FUT9: variants seen among roughly 807,000 people sequenced by gnomAD.
FUT9 encodes the protein 4-galactosyl-N-acetylglucosaminide 3-alpha-L-fucosyltransferase 9.
FUT9 carries 15 observed loss-of-function variants against 29.7 expected under a neutral mutation model. The ratio of observed to expected loss-of-function variants is 0.51; its 90% CI spans 0.34 to 0.78. The LOEUF (loss-of-function observed/expected upper bound fraction) is 0.78. Ranked by LOEUF, FUT9 falls within the 30% of genes least tolerant of loss-of-function variation. The pLI is 0.01. For synonymous variants in FUT9, 169 were observed against 153.7 expected (o/e 1.10, Z -0.74); for missense variants, 319 against 425.4 (o/e 0.75, Z 2.20).
chr6:96,119,432 CTGA>C (rs1771978091), intron 2 of FUT9, among the ~76,000 whole-genome samples: 1 of 152,210 alleles, frequency 6.6e-6, no homozygotes, highest in Non-Finnish European at 1.5e-5. Flanking sequence ...AGTCCACTCT[CTGA>C]TGTTTGCACA....
intron 1 of FUT9, among the ~76,000 whole-genome samples, chr6:96,101,835 T>TC (rs1320767409): frequency 6.6e-6 from 1 of 150,744 alleles, no homozygotes; most frequent in Non-Finnish European, 1.5e-5. Flanking sequence ...TTTTTTTTTT[T>TC]ACTAGAGACA....
chr6:96,087,811 CAT>C (rs902387415), intron 1 of FUT9, among the ~76,000 whole-genome samples: 6 of 152,190 alleles, frequency 3.9e-5, no homozygotes, highest in African/African-American at 1.4e-4. Flanking sequence ...CTTTTAACCA[CAT>C]GTTTACCATT....
At chr6:96,046,322 C>T (rs1451861188) in intron 1 of FUT9, among the ~76,000 whole-genome samples, 2 of 151,884 alleles carry the variant, frequency 1.3e-5, no homozygotes, top group African/African-American at 4.8e-5. Context: ...CTTTTCTGTT[C>T]TATTTCATTT....
intron 2 of FUT9, among the ~76,000 whole-genome samples, chr6:96,198,499 T>C (rs1402391197): frequency 6.6e-6 from 1 of 152,128 alleles, no homozygotes; most frequent in East Asian, 1.9e-4. Context: ...TGCCACATTT[T>C]CTTAATCCAG....
At chr6:96,157,956 ACT>A (rs747774076) in intron 2 of FUT9, among the ~76,000 whole-genome samples, 43 of 152,100 alleles carry the variant, frequency 2.8e-4, no homozygotes, top group Non-Finnish European at 4.6e-4. Flanking sequence ...TTTTTCTCTA[ACT>A]CTATAATTTT....
At chr6:96,201,213 A>T (rs1347929768) in intron 2 of FUT9, among the ~76,000 whole-genome samples, 2 of 151,912 alleles carry the variant, frequency 1.3e-5, no homozygotes, top group Non-Finnish European at 2.9e-5. Flanking sequence ...GCTGAATCAG[A>T]ATTTTTCTTT....
intron 1 of FUT9, among the ~76,000 whole-genome samples, chr6:96,051,193 A>G (rs1348375081): frequency 6.6e-6 from 1 of 152,214 alleles, no homozygotes; most frequent in Non-Finnish European, 1.5e-5. Context: ...TATATATTAT[A>G]CCTAATTTAC....
Position 96,207,296 on chromosome 6 carries a change from T to C in FUT9, c.*3061T>C, listed in dbSNP as rs533392928. 75 of 167,086 alleles carry C rather than the reference T, an allele frequency of 4.5e-4. No individual in the cohort carries two copies. The highest frequency in any genetic ancestry group is 1.8e-3 in the African/African-American group (73 of 41,556). 10.4% of individuals were successfully genotyped at this position (167,086 alleles called of 1,614,324 possible). A position where few individuals can be genotyped will look rare whatever the true frequency, so the allele number is the denominator to read the frequency against. On this transcript the variant is annotated 3_prime_UTR_variant, in exon 3 of 3. Coordinates refer to ENST00000302103, the MANE Select transcript of FUT9 (RefSeq NM_006581.4). ...TTAAGATTTGGATTTAAGGATCCTA[T>C]CTTTCTTTATCCCACTTTCTTTTCA...
chr6:96,084,183 T>G (rs1420100000), intron 1 of FUT9, among the ~76,000 whole-genome samples: 1 of 152,094 alleles, frequency 6.6e-6, no homozygotes, highest in Non-Finnish European at 1.5e-5. Context: ...CTTATCACAC[T>G]AAAAGTCAGA....
intron 1 of FUT9, among the ~76,000 whole-genome samples, chr6:96,071,329 T>C (rs747959416): frequency 6.6e-6 from 1 of 152,188 alleles, no homozygotes; most frequent in Admixed American, 6.5e-5. Flanking sequence ...ATAGGATTTG[T>C]TCTAGTTGTC....
At chr6:96,110,349 A>G (rs1562128265) in intron 1 of FUT9, among the ~76,000 whole-genome samples, 2 of 152,062 alleles carry the variant, frequency 1.3e-5, no homozygotes, top group East Asian at 1.9e-4. Context: ...CTTATTATCC[A>G]TATTGCATGA....
intron 1 of FUT9, among the ~76,000 whole-genome samples, chr6:96,065,762 G>A (rs1420020443): frequency 3.3e-5 from 5 of 151,988 alleles, no homozygotes; most frequent in African/African-American, 1.2e-4. Flanking sequence ...TACTTTATTA[G>A]AAAGTTTGGT....
At chr6:96,048,788 A>C (rs1385705339) in intron 1 of FUT9, among the ~76,000 whole-genome samples, 1 of 152,082 alleles carries the variant, frequency 6.6e-6, no homozygotes, top group Admixed American at 6.6e-5. Flanking sequence ...GAGGGGGGGA[A>C]CTGACCAAGT....
chr6:96,188,818 A>G (rs930639713), intron 2 of FUT9, among the ~76,000 whole-genome samples: 7 of 151,996 alleles, frequency 4.6e-5, no homozygotes, highest in Non-Finnish European at 8.8e-5. Context: ...AAACATTGGA[A>G]ATGCTGAATG....
At chr6:96,041,425 G>A (rs140499822) in intron 1 of FUT9, among the ~76,000 whole-genome samples, 1 of 152,152 alleles carries the variant, frequency 6.6e-6, no homozygotes, top group African/African-American at 2.4e-5. Flanking sequence ...ATCTTTTACT[G>A]TTCCCTGAAT....
At position 96,112,086 on chromosome 6, in the gene FUT9, T is replaced by C. The variant is rs79713486; in HGVS notation, c.-97-1953T>C. On this transcript the variant is annotated intron_variant, in intron 1 of 2. Coordinates refer to ENST00000302103, the MANE Select transcript of FUT9 (RefSeq NM_006581.4). ...AGTAGATAGTTAAGCAGAATAGTCTTACAAACAACATCCGGAAGCCATGTG... is the reference window on the plus strand; with the variant it reads ...AGTAGATAGTTAAGCAGAATAGTCTCACAAACAACATCCGGAAGCCATGTG... Among the ~76,000 whole-genome samples, 201 of 152,316 alleles carry C rather than the reference T, an allele frequency of 1.3e-3. 2 individuals carry two copies. In the East Asian group the frequency reaches 0.033, roughly 25 times the overall value.
At chr6:96,029,541 C>G (rs1770225120) in intron 1 of FUT9, among the ~76,000 whole-genome samples, 1 of 151,618 alleles carries the variant, frequency 6.6e-6, no homozygotes, top group Non-Finnish European at 1.5e-5. Flanking sequence ...ACTAGAGTAA[C>G]TCAATGCCCC....
At chr6:96,078,408 C>CTTTTTT (rs71012536) in intron 1 of FUT9, among the ~76,000 whole-genome samples, 690 of 44,196 alleles carry the variant, frequency 0.016, 215 homozygotes, top group East Asian at 0.023. Flanking sequence ...TATTAGTCTT[C>CTTTTTT]TTTTTTTTTT....
intron 2 of FUT9, among the ~76,000 whole-genome samples, chr6:96,171,335 A>G (rs1288429058): frequency 1.3e-5 from 2 of 152,204 alleles, no homozygotes; most frequent in Non-Finnish European, 2.9e-5. Flanking sequence ...CAGGAGCTCA[A>G]TAATGTTCTT....
Sources: allele counts gnomAD v4.1 joint callset (sites outside exome capture counted in the v4.1 genomes callset), GRCh38; gene constraint gnomAD v4.1.1; transcripts MANE v1.5; gene names NCBI Gene and HGNC (gene_info 2026-07-23, HGNC 2026-07-21).